Variants in TMEM50B observed in about 807,000 individuals in gnomAD.
TMEM50B encodes the protein HCV p7-trans-regulated protein 3.
In TMEM50B, 14 loss-of-function variants were observed where a neutral mutation model predicts 23.4. The ratio of observed to expected loss-of-function variants is 0.60; its 90% CI spans 0.39 to 0.93. The LOEUF is 0.93. Among genes scored for constraint, TMEM50B ranks in the 40% least tolerant of loss-of-function variants. The pLI is 0.00. For missense variants in TMEM50B, 159 were observed against 193.0 expected, an observed-to-expected ratio of 0.82 and a Z score of 1.04; for synonymous variants, 64 against 62.3, an observed-to-expected ratio of 1.03 and a Z score of -0.13.
downstream of TMEM50B, among the ~76,000 whole-genome samples, chr21:33,446,330 G>C (rs2084054586): frequency 6.6e-6 from 1 of 150,414 alleles, no homozygotes; most frequent in Non-Finnish European, 1.5e-5. Flanking sequence ...TCTGCCTCCT[G>C]GGCTCAAGCA....
intron 8 of TMEM50B, among the ~76,000 whole-genome samples, chr21:33,433,137 C>G (rs1301694429): frequency 6.6e-6 from 1 of 152,150 alleles, no homozygotes; most frequent in African/African-American, 2.4e-5. Context: ...CCACCCACCT[C>G]AGCCTCCCAA....
intron 7 of TMEM50B, among the ~76,000 whole-genome samples, chr21:33,440,976 T>A (rs1333284609): frequency 2.6e-5 from 4 of 152,050 alleles, no homozygotes; most frequent in Admixed American, 2.0e-4. Flanking sequence ...ACACCTGTAA[T>A]CCCAGCATTT....
At chr21:33,472,992 A>C (rs1000791675) in intron 1 of TMEM50B, among the ~76,000 whole-genome samples, 1 of 152,162 alleles carries the variant, frequency 6.6e-6, no homozygotes, top group African/African-American at 2.4e-5. Context: ...CATCATAATC[A>C]AACTGCTGAA....
chr21:33,440,982 C>T (rs1256107160), intron 7 of TMEM50B, among the ~76,000 whole-genome samples: 2 of 152,066 alleles, frequency 1.3e-5, no homozygotes, highest in African/African-American at 4.8e-5. Flanking sequence ...GTAATCCCAG[C>T]ATTTTGGGAG....
chr21:33,432,518 C>A, exon 9 of TMEM50B: 2 of 831,574 alleles, frequency 2.4e-6, no homozygotes, highest in Non-Finnish European at 4.0e-6. Flanking sequence ...TACCAGACAG[C>A]TACCACTTGC....
chr21:33,433,728 T>C (rs2083913869), intron 8 of TMEM50B, among the ~76,000 whole-genome samples: 2 of 152,270 alleles, frequency 1.3e-5, no homozygotes, highest in Non-Finnish European at 1.5e-5. Flanking sequence ...ACTACCGAAC[T>C]GTACACCTAA....
At chr21:33,461,384 A>G (rs1196220987) in intron 4 of TMEM50B, among the ~76,000 whole-genome samples, 2 of 152,228 alleles carry the variant, frequency 1.3e-5, no homozygotes, top group African/African-American at 4.8e-5. Flanking sequence ...TATATTATCT[A>G]AATTTTATTA....
At chr21:33,437,945 T>C (rs137992745) in intron 8 of TMEM50B, among the ~76,000 whole-genome samples, 43 of 148,304 alleles carry the variant, frequency 2.9e-4, no homozygotes, top group African/African-American at 9.5e-4. Flanking sequence ...ATGATGCCAC[T>C]GCACTCCAGC....
chr21:33,444,929 G>A (rs1485435691), downstream of TMEM50B, among the ~76,000 whole-genome samples: 1 of 151,410 alleles, frequency 6.6e-6, no homozygotes, highest in Non-Finnish European at 1.5e-5. Context: ...CCAGGAGTTC[G>A]AGACCAGCCT....
At chr21:33,472,744 T>C (rs1372737081) in intron 1 of TMEM50B, among the ~76,000 whole-genome samples, 1 of 151,444 alleles carries the variant, frequency 6.6e-6, no homozygotes, top group Middle Eastern at 3.2e-3. Flanking sequence ...TGATGGCACA[T>C]GCCTGTAATC....
At chr21:33,472,115 G>C (rs78231218) in intron 1 of TMEM50B, among the ~76,000 whole-genome samples, 174 of 151,626 alleles carry the variant, frequency 1.1e-3, no homozygotes, top group African/African-American at 4.0e-3. Context: ...CGGGCAGGAT[G>C]GCTCACACAT....
In TMEM50B at chr21:33,465,385, C is replaced by A. The variant is rs780022725; in HGVS notation, c.237G>T (p.Gln79His). ...CGCTTTCATAGCTATCACCTCTCAC[C>A]TGAGCATTGGATACAGCATTTATCC... is the stretch of plus-strand genomic sequence containing the variant. ...FFMINAVSNA[Q>H]VRGDSYESGC... Residue 79 changes from glutamine to histidine, a missense_variant, in exon 4 of 7, where the codon CAG becomes CAT. Gln to His is a conservative substitution (Grantham distance 24). Coordinates refer to ENST00000542230, the MANE Select transcript of TMEM50B (RefSeq NM_006134.7). 6.2e-7 allele frequency: 1 copy of A among 1,612,938 alleles called. No homozygotes were observed. The highest frequency in any genetic ancestry group is 8.5e-7 in the Non-Finnish European group (1 of 1,179,766).
At chr21:33,468,971 T>C in intron 1 of TMEM50B, 45 bp from the exon 2 acceptor site, 1 of 1,063,216 alleles carries the variant, frequency 9.4e-7, no homozygotes, top group East Asian at 2.4e-5. Flanking sequence ...GAAAATGTTT[T>C]CTAAAAGTAA....
At chr21:33,456,561 A>T (rs2084170217) in intron 5 of TMEM50B, among the ~76,000 whole-genome samples, 1 of 152,248 alleles carries the variant, frequency 6.6e-6, no homozygotes, top group African/African-American at 2.4e-5. Flanking sequence ...TTTAAAAAAT[A>T]CTGGAGAAGA....
chr21:33,474,932 C>T (rs1221501873), intron 1 of TMEM50B, among the ~76,000 whole-genome samples: 3 of 150,450 alleles, frequency 2.0e-5, no homozygotes, highest in Non-Finnish European at 3.0e-5. Flanking sequence ...GTTCCCCCAC[C>T]GCCACCACCC....
Position 33,456,549 on chromosome 21 carries a change from G to T in TMEM50B, c.374-765C>A, listed in dbSNP as rs192126408. On this transcript the variant is annotated intron_variant, in intron 5 of 6. Coordinates refer to ENST00000542230, the MANE Select transcript of TMEM50B (RefSeq NM_006134.7). ...TAACTTTTGTAAAACTACAAATGTT[G>T]ATTTAAAAAATACTGGAGAAGATGA... Among the ~76,000 whole-genome samples, 28 of 152,246 alleles carry T rather than the reference G, an allele frequency of 1.8e-4. No individual in the cohort carries two copies. The East Asian group carries it at 4.6e-3, about 25-fold the overall frequency.
intron 8 of TMEM50B, chr21:33,437,104 C>A (rs2083963005): frequency 1.4e-6 from 1 of 722,162 alleles, no homozygotes; most frequent in Non-Finnish European, 2.4e-6. Context: ...TGAGAGACAG[C>A]AGGTCTCATG....
At chr21:33,451,745 T>A (rs2084122629) in intron 6 of TMEM50B, among the ~76,000 whole-genome samples, 1 of 152,108 alleles carries the variant, frequency 6.6e-6, no homozygotes, top group Non-Finnish European at 1.5e-5. Flanking sequence ...GAAAGGGACA[T>A]CTGTGACTCA....
intron 8 of TMEM50B, among the ~76,000 whole-genome samples, chr21:33,433,746 TATG>T (rs572441510): frequency 2.7e-3 from 408 of 152,184 alleles, no homozygotes; most frequent in Admixed American, 4.3e-3. Context: ...TAAAAAGAGT[TATG>T]ATGGTACATT....
Sources: allele counts gnomAD v4.1 joint callset (sites outside exome capture counted in the v4.1 genomes callset), GRCh38; gene constraint gnomAD v4.1.1; transcripts MANE v1.5; gene names NCBI Gene and HGNC (gene_info 2026-07-23, HGNC 2026-07-21).